Variants in PDE4D observed in about 807,000 individuals in gnomAD.
PDE4D encodes phosphodiesterase 4D.
PDE4D carries 24 observed loss-of-function variants against 87.4 expected under a neutral mutation model. The ratio of observed to expected loss-of-function variants is 0.27; its 90% CI spans 0.20 to 0.39. The LOEUF (loss-of-function observed/expected upper bound fraction) is 0.39, where lower values mean the gene tolerates loss of function less well. Ranked by LOEUF, PDE4D falls within the 10% of genes least tolerant of loss-of-function variation. The pLI, the probability that PDE4D is intolerant of heterozygous loss-of-function variation, is 1.00. For synonymous variants in PDE4D, 384 were observed against 383.2 expected (o/e 1.00, Z -0.02); for missense variants, 714 against 1,041.0 (o/e 0.69, Z 4.32).
intron 2 of PDE4D, among the ~76,000 whole-genome samples, chr5:60,113,746 T>C (rs551918797): frequency 5.0e-4 from 76 of 152,168 alleles, no homozygotes; most frequent in Non-Finnish European, 1.0e-3. Flanking sequence ...ATCTCTCTTG[T>C]GTCTTCAACC....
chr5:59,887,286 G>A (rs950172554), intron 1 of PDE4D, among the ~76,000 whole-genome samples: 2 of 152,296 alleles, frequency 1.3e-5, no homozygotes, highest in Non-Finnish European at 1.5e-5. Context: ...TGTGAATATA[G>A]GGTCCAACCA....
intron 1 of PDE4D, among the ~76,000 whole-genome samples, chr5:59,415,154 C>T (rs183674992): frequency 6.6e-6 from 1 of 152,230 alleles, no homozygotes; most frequent in East Asian, 1.9e-4. Flanking sequence ...TTACAGTGTA[C>T]ATCTCAGAGG....
intron 1 of PDE4D, among the ~76,000 whole-genome samples, chr5:60,446,842 C>T (rs1745680888): frequency 6.6e-6 from 1 of 152,050 alleles, no homozygotes; most frequent in Admixed American, 6.6e-5. Flanking sequence ...TCTGCGCCTG[C>T]CCCCTGCCAA....
chr5:60,220,995 A>G (rs1744430716), intron 1 of PDE4D, among the ~76,000 whole-genome samples: 5 of 152,164 alleles, frequency 3.3e-5, no homozygotes, highest in Admixed American at 3.3e-4. Flanking sequence ...CTTTATGAAC[A>G]ACTCCACTGC....
chr5:60,395,378 A>G (rs1762821016), intron 1 of PDE4D, among the ~76,000 whole-genome samples: 1 of 152,146 alleles, frequency 6.6e-6, no homozygotes, highest in Admixed American at 6.5e-5. Context: ...TCATAATTAT[A>G]TCTATTTATT....
chr5:60,123,380 T>A (rs1236936950), intron 2 of PDE4D, among the ~76,000 whole-genome samples: 1 of 152,006 alleles, frequency 6.6e-6, no homozygotes, highest in African/African-American at 2.4e-5. Context: ...TCCACATGGC[T>A]GGGAAGGCCT....
At chr5:59,659,303 G>C (rs1391453705) in intron 1 of PDE4D, among the ~76,000 whole-genome samples, 2 of 152,110 alleles carry the variant, frequency 1.3e-5, no homozygotes, top group Admixed American at 6.5e-5. Flanking sequence ...ATTTTGAAAA[G>C]AAAAATAAAA....
intron 1 of PDE4D, among the ~76,000 whole-genome samples, chr5:59,274,842 G>A (rs1391078199): frequency 6.6e-6 from 1 of 151,812 alleles, no homozygotes; most frequent in Non-Finnish European, 1.5e-5. Context: ...ATGAATGAAT[G>A]ATAAGCAACT....
chr5:59,622,933 T>C (rs1830502554), intron 1 of PDE4D, among the ~76,000 whole-genome samples: 2 of 152,202 alleles, frequency 1.3e-5, no homozygotes, highest in Admixed American at 1.3e-4. Context: ...TTCTTTATCG[T>C]TGTGATCACC....
intron 1 of PDE4D, among the ~76,000 whole-genome samples, chr5:59,773,597 CCT>C (rs1481329933): frequency 2.0e-5 from 3 of 151,884 alleles, no homozygotes; most frequent in African/African-American, 7.3e-5. Flanking sequence ...GTTTTTTTCT[CCT>C]CTATATACCT....
At chr5:60,211,104 CT>C (rs1276998833) in intron 1 of PDE4D, among the ~76,000 whole-genome samples, 1 of 152,218 alleles carries the variant, frequency 6.6e-6, no homozygotes, top group African/African-American at 2.4e-5. Context: ...CCCTGTCACT[CT>C]GCTGAAATGA....
At chr5:59,178,536 A>G (rs914077674) in intron 5 of PDE4D, among the ~76,000 whole-genome samples, 2 of 152,068 alleles carry the variant, frequency 1.3e-5, no homozygotes, top group South Asian at 2.1e-4. Context: ...GGTCTGTCAC[A>G]TATGCTTAAG....
intron 1 of PDE4D, among the ~76,000 whole-genome samples, chr5:60,378,096 GC>G (rs1218380181): frequency 2.0e-5 from 3 of 152,142 alleles, no homozygotes; most frequent in Non-Finnish European, 4.4e-5. Flanking sequence ...GAATTTTAGA[GC>G]AATCTTGGAG....
At chr5:60,267,094 C>T (rs928055208) in intron 1 of PDE4D, among the ~76,000 whole-genome samples, 2 of 152,120 alleles carry the variant, frequency 1.3e-5, no homozygotes, top group Admixed American at 6.5e-5. Flanking sequence ...AAAAAGTTAT[C>T]GCCAATACAT....
In PDE4D at chr5:59,026,227, C is replaced by T. The variant is rs192092800; in HGVS notation, c.921+12632G>A. ...GTGCACTACAAACTTTTAATTTAAA[C>T]GAGATGAGATTGATCTAGCATATAC... On this transcript the variant is annotated intron_variant, in intron 6 of 14. Coordinates refer to ENST00000340635, the MANE Select transcript of PDE4D (RefSeq NM_001104631.2). 1.3e-4 allele frequency among the ~76,000 whole-genome samples: 20 copies of T among 152,178 alleles called. No individual in the cohort carries two copies. The East Asian group carries it at 1.7e-3, about 13-fold the overall frequency.
chr5:60,154,954 T>C (rs1781835278), intron 2 of PDE4D, among the ~76,000 whole-genome samples: 1 of 152,240 alleles, frequency 6.6e-6, no homozygotes, highest in African/African-American at 2.4e-5. Flanking sequence ...GTTGTATTCT[T>C]AGGTTCTTGT....
At chr5:59,468,555 A>G (rs1001418985) in intron 1 of PDE4D, among the ~76,000 whole-genome samples, 1 of 152,224 alleles carries the variant, frequency 6.6e-6, no homozygotes, top group African/African-American at 2.4e-5. Flanking sequence ...CCCATGGCAA[A>G]TAAAGCATGT....
In PDE4D at chr5:59,931,549, GTC is replaced by G. The variant is rs548579673; in HGVS notation, c.272+56937_272+56938del. Among the ~76,000 whole-genome samples the G allele has an allele frequency of 3.9e-5, 6 of 152,118 alleles. No homozygotes were observed. In the South Asian group the frequency reaches 1.2e-3, roughly 32 times the overall value. On this transcript the variant is annotated intron_variant, in intron 3 of 16. Coordinates refer to the PDE4D transcript ENST00000502484. ...AAGGGGACTGAGCATGCCAGCTCAGGTCTCTCTTCCTCTCCTTCCAGTCCCAA... is the reference window on the plus strand; with the variant it reads ...AAGGGGACTGAGCATGCCAGCTCAGGTCTCTTCCTCTCCTTCCAGTCCCAA...
chr5:60,051,424 C>A (rs911623990), intron 2 of PDE4D, among the ~76,000 whole-genome samples: 1 of 152,152 alleles, frequency 6.6e-6, no homozygotes, highest in East Asian at 1.9e-4. Flanking sequence ...GAATAACCTG[C>A]TCCTGAATGA....
Sources: allele counts gnomAD v4.1 joint callset (sites outside exome capture counted in the v4.1 genomes callset), GRCh38; gene constraint gnomAD v4.1.1; transcripts MANE v1.5; gene names NCBI Gene and HGNC (gene_info 2026-07-23, HGNC 2026-07-21).